The following CADM2 variants were observed in gnomAD, a reference collection of about 807,000 sequenced individuals.
CADM2 encodes the protein immunoglobulin superfamily member 4D.
In CADM2, 12 loss-of-function variants were observed where a neutral mutation model predicts 49.8. The observed-to-expected ratio is 0.24, with a 90% confidence interval of 0.15 to 0.39. The LOEUF is 0.39. CADM2 is among the 10% of genes least tolerant of loss of function. The probability of loss-of-function intolerance (pLI) is 1.00; values close to 1 mark genes in which losing one functional copy is unlikely to be tolerated. For missense variants in CADM2, 378 were observed against 492.3 expected (o/e 0.77, Z 2.20); for synonymous variants, 214 against 175.4 (o/e 1.22, Z -1.74).
At chr3:85,383,503 CATATATAT>C (rs1241135851) in intron 1 of CADM2, among the ~76,000 whole-genome samples, 1 of 109,246 alleles carries the variant, frequency 9.2e-6, no homozygotes, top group Non-Finnish European at 1.9e-5. Context: ...TACATAAAAC[CATATATAT>C]ATATGTATAT....
intron 1 of CADM2, among the ~76,000 whole-genome samples, chr3:85,090,261 T>G (rs1465436111): frequency 1.3e-5 from 2 of 152,154 alleles, no homozygotes; most frequent in African/African-American, 2.4e-5. Context: ...TGTGAGCAAA[T>G]GGGAGATGCC....
At chr3:85,091,032 G>C (rs372849578) in intron 1 of CADM2, among the ~76,000 whole-genome samples, 2 of 152,062 alleles carry the variant, frequency 1.3e-5, no homozygotes, top group Non-Finnish European at 2.9e-5. Context: ...TTAACCTAGG[G>C]TTATTGATAA....
chr3:85,843,450 T>G (rs2074731441), intron 3 of CADM2, among the ~76,000 whole-genome samples: 1 of 152,084 alleles, frequency 6.6e-6, no homozygotes, highest in South Asian at 2.1e-4. Context: ...TGGTGATTCT[T>G]TAACTTTTAT....
At chr3:85,546,048 T>C (rs756747146) in intron 1 of CADM2, among the ~76,000 whole-genome samples, 1 of 152,212 alleles carries the variant, frequency 6.6e-6, no homozygotes, top group Non-Finnish European at 1.5e-5. Flanking sequence ...ATACCTAAAA[T>C]ATACCTGACC....
chr3:85,034,414 G>A (rs1435426503), intron 1 of CADM2, among the ~76,000 whole-genome samples: 1 of 152,072 alleles, frequency 6.6e-6, no homozygotes, highest in Non-Finnish European at 1.5e-5. Context: ...TTATGTTGCT[G>A]CAAGTGACAG....
At chr3:85,806,444 G>A (rs747735250) in intron 3 of CADM2, among the ~76,000 whole-genome samples, 1 of 152,116 alleles carries the variant, frequency 6.6e-6, no homozygotes, top group Non-Finnish European at 1.5e-5. Context: ...GAGAAATTCA[G>A]GATGGCAGCC....
intron 1 of CADM2, among the ~76,000 whole-genome samples, chr3:85,599,623 C>T (rs1399490479): frequency 3.3e-5 from 5 of 151,692 alleles, no homozygotes; most frequent in Non-Finnish European, 7.4e-5. Context: ...CGTGCCAATA[C>T]CCACAATTAT....
At chr3:85,040,178 C>T (rs978351872) in intron 1 of CADM2, among the ~76,000 whole-genome samples, 5 of 152,104 alleles carry the variant, frequency 3.3e-5, no homozygotes, top group Admixed American at 2.0e-4. Context: ...GTTAAAAGAA[C>T]GTTTTAGGTT....
chr3:85,753,707 G>A (rs571960932), intron 2 of CADM2, among the ~76,000 whole-genome samples: 3 of 152,202 alleles, frequency 2.0e-5, no homozygotes, highest in South Asian at 2.1e-4. Context: ...AGTACAAAGC[G>A]TGCAGTAAGG....
At chr3:85,058,484 G>A (rs933446611) in intron 1 of CADM2, among the ~76,000 whole-genome samples, 17 of 151,362 alleles carry the variant, frequency 1.1e-4, no homozygotes, top group South Asian at 6.3e-4. Context: ...TGCTCTTGTC[G>A]CCCAGGCTAG....
At chr3:85,097,646 T>C (rs888657566) in intron 1 of CADM2, among the ~76,000 whole-genome samples, 1 of 152,088 alleles carries the variant, frequency 6.6e-6, no homozygotes, top group Non-Finnish European at 1.5e-5. Context: ...TTTCTAAGAG[T>C]TTTTAGTATG....
intron 1 of CADM2, among the ~76,000 whole-genome samples, chr3:85,258,861 A>T (rs984803888): frequency 1.3e-5 from 2 of 152,042 alleles, no homozygotes; most frequent in African/African-American, 4.8e-5. Flanking sequence ...TCCAGACTTT[A>T]TTATTTTTCA....
intron 1 of CADM2, among the ~76,000 whole-genome samples, chr3:85,267,273 G>GT (rs1050945996): frequency 1.3e-5 from 2 of 151,738 alleles, no homozygotes; most frequent in African/African-American, 4.8e-5. Flanking sequence ...CTGAAATGTG[G>GT]TTTTGTCTGG....
chr3:85,390,996 T>C (rs951825844), intron 1 of CADM2, among the ~76,000 whole-genome samples: 1 of 152,016 alleles, frequency 6.6e-6, no homozygotes, highest in African/African-American at 2.4e-5. Context: ...CCTAGGTGCA[T>C]CTAGACACCT....
chr3:85,883,190 C>A, intron 3 of CADM2, 101 bp from the exon 4 acceptor site: 1 of 855,922 alleles, frequency 1.2e-6, no homozygotes, highest in Non-Finnish European at 1.7e-6. Flanking sequence ...GAATGTATGG[C>A]CAAAGAAAAC....
At chr3:85,619,893 A>C (rs931349947) in intron 1 of CADM2, among the ~76,000 whole-genome samples, 1 of 152,212 alleles carries the variant, frequency 6.6e-6, no homozygotes, top group African/African-American at 2.4e-5. Context: ...TAAACCTCCA[A>C]AATCCCAGCC....
intron 1 of CADM2, among the ~76,000 whole-genome samples, chr3:85,489,187 A>C (rs1246041147): frequency 2.6e-5 from 4 of 152,174 alleles, no homozygotes; most frequent in Non-Finnish European, 5.9e-5. Context: ...CATCATTTTT[A>C]TAAGTTGAAA....
chr3:85,151,677 A>G (rs1461299141), intron 1 of CADM2, among the ~76,000 whole-genome samples: 1 of 152,188 alleles, frequency 6.6e-6, no homozygotes, highest in African/African-American at 2.4e-5. Flanking sequence ...GTTATAACAA[A>G]ATATCATCCA....
intron 1 of CADM2, among the ~76,000 whole-genome samples, chr3:85,368,836 G>A (rs1559803921): frequency 6.6e-6 from 1 of 151,918 alleles, no homozygotes; most frequent in African/African-American, 2.4e-5. Flanking sequence ...ACAACTAATT[G>A]TACCCTGTTC....
Sources: allele counts gnomAD v4.1 joint callset (sites outside exome capture counted in the v4.1 genomes callset), GRCh38; gene constraint gnomAD v4.1.1; transcripts MANE v1.5; gene names NCBI Gene and HGNC (gene_info 2026-07-23, HGNC 2026-07-21).